The following CDAN1 variants were observed in gnomAD, a reference collection of about 807,000 sequenced individuals.
The protein encoded by CDAN1 is codanin 1.
In CDAN1, 107 loss-of-function variants were observed where a neutral mutation model predicts 139.8. The observed-to-expected ratio is 0.77, with a 90% confidence interval of 0.65 to 0.90. The LOEUF is 0.90. CDAN1 is among the 40% of genes least tolerant of loss of function. CDAN1 has a pLI of 0.00. For missense variants in CDAN1, 1,667 were observed against 1,575.7 expected (o/e 1.06, Z -0.98); for synonymous variants, 776 against 660.6 (o/e 1.17, Z -2.68).
At chr15:42,731,851 A>C (rs2061616974) in intron 10 of CDAN1, 26 bp from the exon 11 acceptor site, 1 of 1,611,370 alleles carries the variant, frequency 6.2e-7, no homozygotes, top group Non-Finnish European at 8.5e-7. Flanking sequence ...AAGGAGAGAA[A>C]TTAAAAAAAT....
chr15:42,735,447 C>G, intron 4 of CDAN1, 63 bp downstream of exon 4: 2 of 1,603,486 alleles, frequency 1.2e-6, no homozygotes, highest in Admixed American at 1.7e-5. Context: ...AAGTGCCTTA[C>G]CAATTCTCTT....
intron 20 of CDAN1, 66 bp downstream of exon 20, chr15:42,728,586 G>A: frequency 1.9e-6 from 3 of 1,592,258 alleles, no homozygotes; most frequent in Non-Finnish European, 2.6e-6. Flanking sequence ...GAGTAAGTGT[G>A]AAGGAGGAAA....
At chr15:42,735,204 G>A (rs1244598829) in intron 5 of CDAN1, 26 bp from the exon 6 acceptor site, 2 of 1,604,718 alleles carry the variant, frequency 1.2e-6, no homozygotes, top group Non-Finnish European at 1.7e-6. Flanking sequence ...CAAGCTGTCA[G>A]TTAAGAACGG....
chr15:42,735,829 C>A (rs1405521786), intron 3 of CDAN1, 46 bp downstream of exon 3: 2 of 1,605,210 alleles, frequency 1.2e-6, no homozygotes, highest in East Asian at 2.2e-5. Context: ...CCTGAAGATC[C>A]CCCACAGCGA....
intron 8 of CDAN1, 64 bp from the exon 9 acceptor site, chr15:42,733,250 G>T: frequency 1.4e-6 from 2 of 1,379,892 alleles, no homozygotes; most frequent in Non-Finnish European, 2.1e-6. Flanking sequence ...CCTGCCCCTG[G>T]AAGAACTATC....
rs1189954440 is a variant in CDAN1 at position 42,736,549 on chromosome 15, T to C, written c.322A>G (p.Ser108Gly). The C allele has an allele frequency of 2.7e-6, 4 of 1,480,718 alleles. No homozygotes were observed. The Admixed American group carries it at 6.9e-5, about 25-fold the overall frequency. 91.7% of individuals were successfully genotyped at this position (1,480,718 alleles called of 1,614,324 possible). A position where few individuals can be genotyped will look rare whatever the true frequency, so the allele number is the denominator to read the frequency against. The change falls in exon 2 of 28, where the codon AGC becomes GGC. Residue 108 changes from serine (S) to glycine (G), a missense_variant. Ser to Gly is a moderately conservative substitution (Grantham distance 56). Transcript: ENST00000356231. ...GCCAGAGGGGCCTCGGCAGCGGTGCTCTGGGCCTCGGTCGGAGGGAAAAGC... is the reference window on the plus strand; with the variant it reads ...GCCAGAGGGGCCTCGGCAGCGGTGCCCTGGGCCTCGGTCGGAGGGAAAAGC... ...SQLFPPTEAQ[S>G]TAAEAPLARR...
At chr15:42,735,471 A>G in intron 4 of CDAN1, 39 bp downstream of exon 4, 1 of 1,610,844 alleles carries the variant, frequency 6.2e-7, no homozygotes, top group Non-Finnish European at 8.5e-7. Context: ...CATAAGTTCT[A>G]CAAGTGTCTC....
At chr15:42,734,779 C>CTT (rs11434933) in intron 6 of CDAN1, among the ~76,000 whole-genome samples, 6,363 of 110,418 alleles carry the variant, frequency 0.058, 803 homozygotes, top group African/African-American at 0.22. Flanking sequence ...CACACCCGGC[C>CTT]TTTTTTTTTT....
At position 42,725,570 on chromosome 15, in the gene CDAN1, T is replaced by C; in HGVS notation, c.3369A>G (p.Glu1123=). 2.5e-6 allele frequency: 4 copies of C among 1,614,180 alleles called. No homozygotes were observed. Among genetic ancestry groups the C allele is most frequent in the Non-Finnish European group, 3.4e-6 (4 of 1,180,042 alleles). Residue 1123 remains glutamate (E), a synonymous_variant, in exon 26 of 28, where the codon GAA becomes GAG. Coordinates refer to ENST00000356231, the MANE Select transcript of CDAN1 (RefSeq NM_138477.4). ...GCAGCGGAACCGGCCCCTGAAAGTC[T>C]TCCTTCCACAAGGAAAGCAGCATGT... ...LLHMLLSLWK[E]DFQGPVPLQL...
At position 42,737,010 on chromosome 15, in the gene CDAN1, T is replaced by A; in HGVS notation, c.90+3A>T. On this transcript the variant is annotated splice_donor_region_variant and intron_variant, in intron 1 of 27. Coordinates refer to ENST00000356231, the MANE Select transcript of CDAN1 (RefSeq NM_138477.4). ...AGACCTGGGGGCGTGTCACCGCTGT[T>A]ACCTCCGAACCCTGGGTGCTGCGCG... is the stretch of plus-strand genomic sequence containing the variant. 6.5e-7 allele frequency: 1 copy of A among 1,544,370 alleles called. No homozygotes were observed. The highest frequency in any genetic ancestry group is 8.7e-7 in the Non-Finnish European group (1 of 1,143,234).
chr15:42,734,779 CTTT>C (rs11434933), intron 6 of CDAN1, among the ~76,000 whole-genome samples: 17 of 110,504 alleles, frequency 1.5e-4, no homozygotes, highest in Non-Finnish European at 1.2e-4. Context: ...CACACCCGGC[CTTT>C]TTTTTTTTTT....
In CDAN1 at chr15:42,736,394, G is replaced by A. The variant is rs7167392; in HGVS notation, c.477C>T (p.Pro159=). 0.23 allele frequency: 368,714 copies of A among 1,611,732 alleles called. 45,844 individuals are homozygous for A. Among genetic ancestry groups the A allele is most frequent in the African/African-American group, 0.4 (29,635 of 74,932 alleles). ...GGRRLRGSGS[P]SRPSLTLSDP... ...CAGACAGCGTGAGGCTGGGGCGGCT[G>A]GGGCTGCCAGAGCCCCTAAGCCTCC... The change falls in exon 2 of 28, where the codon CCC becomes CCT. Residue 159 remains proline, a synonymous_variant. Transcript: ENST00000356231.
chr15:42,734,157 T>C (rs1184888033), intron 7 of CDAN1, 69 bp downstream of exon 7: 14 of 1,611,858 alleles, frequency 8.7e-6, no homozygotes, highest in African/African-American at 1.3e-5. Flanking sequence ...GTCAGCAGGG[T>C]TGCCTGAATT....
Position 42,726,120 on chromosome 15 carries a change from G to T in CDAN1, c.3245C>A (p.Ser1082Tyr). 6.2e-7 allele frequency: 1 copy of T among 1,614,070 alleles called. No individual in the cohort carries two copies. The highest frequency in any genetic ancestry group is 8.5e-7 in the Non-Finnish European group (1 of 1,180,004). Residue 1082 changes from serine to tyrosine, a missense_variant, in exon 25 of 28, where the codon TCT (serine) becomes TAT (tyrosine). This residue lies in a region of CDAN1 where 936 missense variants were observed against 844.1 expected (regional missense o/e 1.11). Coordinates refer to ENST00000356231, the MANE Select transcript of CDAN1 (RefSeq NM_138477.4). ...ACCGAGGAGGGAAGCTAACTCCACAGAGCACTTTGCCAGATGCTGCTCAGC... is the reference window on the plus strand; with the variant it reads ...ACCGAGGAGGGAAGCTAACTCCACATAGCACTTTGCCAGATGCTGCTCAGC... ...PPAEQHLAKC[S>Y]VELASLLVAD...
intron 23 of CDAN1, 28 bp downstream of exon 23, chr15:42,727,593 A>G (rs1701082906): frequency 1.3e-6 from 2 of 1,512,162 alleles, no homozygotes; most frequent in Non-Finnish European, 1.8e-6. Flanking sequence ...GGAGCAGGGA[A>G]GCCAAAGGGA....
In CDAN1 at chr15:42,728,231, C is replaced by T. The variant is rs138228278; in HGVS notation, c.2841G>A (p.Ala947=). 1.6e-5 allele frequency: 26 copies of T among 1,613,754 alleles called. No homozygotes were observed. Among genetic ancestry groups the T allele is most frequent in the African/African-American group, 1.1e-4 (8 of 74,922 alleles). ...CQRKSPGAVR[A]LLPEETPAAV... ...CTGCCGGGGTCTCCTCTGGAAGCAG[C>T]GCCCGCACAGCCCCAGGGCTCTTCC... Residue 947 remains alanine (A), a synonymous_variant, in exon 21 of 28, where the codon GCG becomes GCA. Transcript: ENST00000356231.
intron 11 of CDAN1, 103 bp from the exon 12 acceptor site, chr15:42,731,434 G>A (rs1595858462): frequency 1.3e-6 from 2 of 1,537,240 alleles, no homozygotes; most frequent in East Asian, 2.3e-5. Flanking sequence ...AGGACAGACA[G>A]GGAGGCCCAG....
chr15:42,728,402 A>G (rs1193226731), intron 20 of CDAN1, 135 bp from the exon 21 acceptor site: 8 of 649,572 alleles, frequency 1.2e-5, no homozygotes, highest in Middle Eastern at 6.1e-4. Flanking sequence ...CTCCCGCCCC[A>G]CCCCAGGTGC....
At chr15:42,726,533 T>C in intron 23 of CDAN1, 116 bp from the exon 24 acceptor site, 2 of 808,060 alleles carry the variant, frequency 2.5e-6, no homozygotes, top group Non-Finnish European at 2.0e-6. Flanking sequence ...CCCCGGGATA[T>C]GGTGAGTAAA....
Sources: allele counts gnomAD v4.1 joint callset (sites outside exome capture counted in the v4.1 genomes callset), GRCh38; gene constraint gnomAD v4.1.1; regional missense constraint gnomAD v4.1.1; transcripts MANE v1.5; gene names NCBI Gene and HGNC (gene_info 2026-07-23, HGNC 2026-07-21).